The following PPARGC1A variants were observed in gnomAD, a reference collection of about 807,000 sequenced individuals.
PPARGC1A encodes the protein peroxisome proliferator-activated receptor gamma coactivator 1-alpha.
Under a neutral mutation model 88.7 loss-of-function variants are expected in PPARGC1A, and 25 were observed. The ratio of observed to expected loss-of-function variants is 0.28; its 90% CI spans 0.21 to 0.39. PPARGC1A has a LOEUF of 0.39. PPARGC1A is among the 10% of genes least tolerant of loss of function. PPARGC1A has a pLI of 1.00. For synonymous variants in PPARGC1A, 363 were observed against 355.6 expected (o/e 1.02, Z -0.24); for missense variants, 880 against 968.7 (o/e 0.91, Z 1.22).
At chr4:23,853,239 G>C (rs1248216561) in intron 2 of PPARGC1A, among the ~76,000 whole-genome samples, 1 of 152,084 alleles carries the variant, frequency 6.6e-6, no homozygotes, top group African/African-American at 2.4e-5. Flanking sequence ...TTAGTGGCAG[G>C]CACTCCCTAG....
At chr4:24,206,079 G>A in the PPARGC1A span, among the ~76,000 whole-genome samples, 2 of 152,118 alleles carry the variant, frequency 1.3e-5, no homozygotes, top group East Asian at 3.9e-4. Context: ...AAGAGTTGAA[G>A]GTGAATTTCA....
chr4:24,308,681 C>A, the PPARGC1A span, among the ~76,000 whole-genome samples: 1 of 152,196 alleles, frequency 6.6e-6, no homozygotes, highest in East Asian at 1.9e-4. Flanking sequence ...GGGCTCTAGG[C>A]CTCCTGCCTT....
chr4:24,036,646 G>C, the PPARGC1A span, among the ~76,000 whole-genome samples: 1 of 152,052 alleles, frequency 6.6e-6, no homozygotes, highest in East Asian at 1.9e-4. Flanking sequence ...AAACAAAAGA[G>C]TAATGATTCC....
the PPARGC1A span, among the ~76,000 whole-genome samples, chr4:24,437,719 G>C: frequency 1.3e-5 from 2 of 151,332 alleles, no homozygotes; most frequent in Non-Finnish European, 2.9e-5. Context: ...GCCAAGGCTT[G>C]AGTGCAATGG....
intron 1 of PPARGC1A, among the ~76,000 whole-genome samples, chr4:23,886,064 G>C (rs1716828664): frequency 6.6e-6 from 1 of 152,048 alleles, no homozygotes; most frequent in Admixed American, 6.6e-5. Context: ...AAAGAACACT[G>C]CAGGAACTCC....
the PPARGC1A span, among the ~76,000 whole-genome samples, chr4:24,441,955 G>A: frequency 4.6e-5 from 7 of 152,190 alleles, no homozygotes; most frequent in Admixed American, 2.6e-4. Flanking sequence ...ATGCTAGGCC[G>A]AGTTGTGACA....
the PPARGC1A span, among the ~76,000 whole-genome samples, chr4:23,954,294 C>T: frequency 2.0e-5 from 3 of 152,170 alleles, no homozygotes; most frequent in African/African-American, 7.2e-5. Context: ...AGTTTTCATA[C>T]ATTGCACATT....
chr4:24,407,395 C>T, the PPARGC1A span, among the ~76,000 whole-genome samples: 104 of 152,218 alleles, frequency 6.8e-4, no homozygotes, highest in Non-Finnish European at 7.3e-5. Context: ...TAGCAGGCCA[C>T]ACCCTGCTGA....
At chr4:24,355,671 T>C in the PPARGC1A span, among the ~76,000 whole-genome samples, 92 of 152,170 alleles carry the variant, frequency 6.0e-4, no homozygotes, top group Non-Finnish European at 6.9e-4. Flanking sequence ...ACCATGTTAA[T>C]GTAGCTGAGA....
the PPARGC1A span, among the ~76,000 whole-genome samples, chr4:24,027,223 G>C: frequency 8.3e-6 from 1 of 120,662 alleles, no homozygotes; most frequent in African/African-American, 2.8e-5. Context: ...GTGTGTCTGT[G>C]TGTCTGTGTG....
chr4:23,949,764 C>T, the PPARGC1A span, among the ~76,000 whole-genome samples: 1 of 152,082 alleles, frequency 6.6e-6, no homozygotes, highest in Non-Finnish European at 1.5e-5. Context: ...CACCCCTTCC[C>T]CCACAATCTA....
chr4:24,457,234 T>TG, the PPARGC1A span, among the ~76,000 whole-genome samples: 1 of 151,970 alleles, frequency 6.6e-6, no homozygotes, highest in Non-Finnish European at 1.5e-5. Context: ...TGCACTTTCT[T>TG]GGGGAAAAAT....
At chr4:23,844,147 C>T (rs989021409) in intron 2 of PPARGC1A, among the ~76,000 whole-genome samples, 1 of 149,364 alleles carries the variant, frequency 6.7e-6, no homozygotes, top group African/African-American at 2.5e-5. Context: ...ATTTATACAT[C>T]GGGAGAATAC....
the PPARGC1A span, among the ~76,000 whole-genome samples, chr4:24,025,960 CTG>C: frequency 6.6e-6 from 1 of 152,178 alleles, no homozygotes; most frequent in African/African-American, 2.4e-5. Flanking sequence ...AGTTATAAAT[CTG>C]TGTTTGTAAA....
chr4:24,023,574 C>T, the PPARGC1A span, among the ~76,000 whole-genome samples: 1 of 152,302 alleles, frequency 6.6e-6, no homozygotes, highest in Non-Finnish European at 1.5e-5. Flanking sequence ...AACATATACT[C>T]CTGGGGCCAT....
intron 1 of PPARGC1A, among the ~76,000 whole-genome samples, chr4:23,895,554 C>G (rs903647243): frequency 6.6e-6 from 1 of 151,954 alleles, no homozygotes; most frequent in Non-Finnish European, 1.5e-5. Context: ...TTTGTGGTGA[C>G]AGATAAACTC....
chr4:24,171,607 T>C, the PPARGC1A span, among the ~76,000 whole-genome samples: 28 of 152,148 alleles, frequency 1.8e-4, no homozygotes, highest in Admixed American at 1.5e-3. Context: ...CACTCAGAAA[T>C]ATGCCTGGCA....
At chr4:24,135,482 T>TAA in the PPARGC1A span, among the ~76,000 whole-genome samples, 1 of 152,254 alleles carries the variant, frequency 6.6e-6, no homozygotes, top group East Asian at 1.9e-4. Context: ...GTGACAACTC[T>TAA]TTGGCATTTT....
At chr4:23,828,251 T>C in intron 5 of PPARGC1A, 149 bp downstream of exon 5, 1 of 795,694 alleles carries the variant, frequency 1.3e-6, no homozygotes, top group African/African-American at 1.7e-5. Flanking sequence ...AAAGGTTTCT[T>C]CCCCCGCTCT....
Sources: gnomAD v4.1 joint callset for allele counts (sites outside exome capture counted in the v4.1 genomes callset) on GRCh38, gnomAD v4.1.1 for gene constraint, MANE v1.5 for transcripts, NCBI Gene and HGNC (gene_info 2026-07-23, HGNC 2026-07-21) for gene names.